The following GNA12 variants were observed in gnomAD, a reference collection of about 807,000 sequenced individuals.
GNA12 encodes G protein subunit alpha 12, also known as guanine nucleotide-binding protein subunit alpha-12.
A neutral mutation model predicts 26.0 loss-of-function variants in GNA12; 9 were observed. The ratio of observed to expected loss-of-function variants is 0.35; its 90% confidence interval spans 0.21 to 0.60. The LOEUF is 0.60. Among genes scored for constraint, GNA12 ranks in the 20% least tolerant of loss-of-function variants. The pLI is 0.78. For synonymous variants in GNA12, 264 were observed against 219.6 expected (o/e 1.20, Z -1.79); for missense variants, 405 against 525.8 (o/e 0.77, Z 2.25).
At chr7:2,814,289 G>A (rs765314986) in intron 1 of GNA12, 1 of 1,229,374 alleles carries the variant, frequency 8.1e-7, no homozygotes, top group Non-Finnish European at 1.2e-6. Context: ...TGTGGCCGAG[G>A]AGTTGAACGG....
intron 2 of GNA12, among the ~76,000 whole-genome samples, chr7:2,776,305 A>G (rs1461997400): frequency 6.6e-6 from 1 of 152,244 alleles, no homozygotes; most frequent in Non-Finnish European, 1.5e-5. Flanking sequence ...GGAAGAGGCC[A>G]GTGCTCAGAG....
intron 2 of GNA12, among the ~76,000 whole-genome samples, chr7:2,756,055 A>G (rs1360116233): frequency 6.6e-6 from 1 of 152,228 alleles, no homozygotes; most frequent in Non-Finnish European, 1.5e-5. Flanking sequence ...ACCAACTTTC[A>G]ACTTGCTAGA....
At chr7:2,799,750 C>A (rs573630636) in intron 1 of GNA12, among the ~76,000 whole-genome samples, 8 of 152,142 alleles carry the variant, frequency 5.3e-5, no homozygotes, top group Non-Finnish European at 1.2e-4. Flanking sequence ...AGCAAATACA[C>A]AAGTGAAAAA....
chr7:2,814,825 T>G, intron 1 of GNA12: 1 of 1,560,768 alleles, frequency 6.4e-7, no homozygotes, highest in South Asian at 1.2e-5. Flanking sequence ...ACCCTTCCTG[T>G]GCTCCCGACA....
intron 2 of GNA12, among the ~76,000 whole-genome samples, chr7:2,766,387 C>CT (rs71026553): frequency 0.011 from 1,476 of 132,058 alleles, 27 homozygotes; most frequent in Admixed American, 0.044. Flanking sequence ...TTGCTTCCGC[C>CT]TTTTTTTTTT....
At chr7:2,796,663 C>G (rs900674461) in intron 1 of GNA12, among the ~76,000 whole-genome samples, 2 of 152,204 alleles carry the variant, frequency 1.3e-5, no homozygotes, top group African/African-American at 4.8e-5. Flanking sequence ...TTTAACGTCA[C>G]CATCGTTTGT....
At chr7:2,735,439 G>A (rs1031673163) in intron 2 of GNA12, among the ~76,000 whole-genome samples, 3 of 149,550 alleles carry the variant, frequency 2.0e-5, no homozygotes, top group South Asian at 2.1e-4. Context: ...TATCACCACA[G>A]GACACAAAGC....
chr7:2,759,418 T>C (rs1791455669), intron 2 of GNA12, among the ~76,000 whole-genome samples: 1 of 152,214 alleles, frequency 6.6e-6, no homozygotes. Context: ...GTGTTATTAC[T>C]GTTCTGTCCA....
intron 1 of GNA12, among the ~76,000 whole-genome samples, chr7:2,818,581 G>GGTTT (rs1793268409): frequency 1.3e-5 from 2 of 152,170 alleles, no homozygotes; most frequent in South Asian, 4.1e-4. Flanking sequence ...TGGGCAACAT[G>GGTTT]GTGAAACCCC....
chr7:2,776,610 C>A (rs549584230), intron 2 of GNA12, among the ~76,000 whole-genome samples: 27 of 152,256 alleles, frequency 1.8e-4, no homozygotes, highest in African/African-American at 6.3e-4. Flanking sequence ...GGTGTGACCA[C>A]ACAATTCTTG....
chr7:2,730,868 G>T lies in GNA12; in HGVS notation c.*313C>A. The T allele has an allele frequency of 3.1e-6, 1 of 325,486 alleles. No homozygotes were observed. Among genetic ancestry groups the T allele is most frequent in the Non-Finnish European group, 5.8e-6 (1 of 171,446 alleles). The allele number at this position is 325,486 out of a possible 1,614,324, so 20.2% of individuals were successfully genotyped here. ...ACACAACACGGTCCTCAATTAAACTGCGTCAGAAAAAGAGGAACGTTTCTG... is the reference window on the plus strand; with the variant it reads ...ACACAACACGGTCCTCAATTAAACTTCGTCAGAAAAAGAGGAACGTTTCTG... On this transcript the variant is annotated 3_prime_UTR_variant, in exon 4 of 4. Transcript: ENST00000275364.
intron 1 of GNA12, among the ~76,000 whole-genome samples, chr7:2,817,124 G>A (rs1793235235): frequency 1.3e-5 from 2 of 152,088 alleles, no homozygotes; most frequent in South Asian, 4.2e-4. Context: ...ATTTATTTTT[G>A]AGACAGAGTC....
intron 1 of GNA12, among the ~76,000 whole-genome samples, chr7:2,801,748 CT>C (rs1246066102): frequency 2.6e-5 from 4 of 151,898 alleles, no homozygotes; most frequent in Non-Finnish European, 5.9e-5. Flanking sequence ...TACATTTATT[CT>C]AGTCAAAAAC....
intron 1 of GNA12, chr7:2,835,928 C>A: frequency 1.9e-6 from 1 of 533,054 alleles, no homozygotes; most frequent in East Asian, 3.9e-5. Context: ...GCCTTAGAAT[C>A]CAAAGTCGAA....
intron 1 of GNA12, among the ~76,000 whole-genome samples, chr7:2,819,591 C>A (rs1583307394): frequency 6.6e-6 from 1 of 152,028 alleles, no homozygotes; most frequent in East Asian, 1.9e-4. Context: ...GACAAATAAT[C>A]CAAATTAAAA....
chr7:2,828,873 T>C (rs919312277), intron 1 of GNA12, among the ~76,000 whole-genome samples: 1 of 152,074 alleles, frequency 6.6e-6, no homozygotes, highest in African/African-American at 2.4e-5. Flanking sequence ...CTGGGCAACA[T>C]GGCAAAATCT....
At chr7:2,758,796 T>C (rs1244967993) in intron 2 of GNA12, among the ~76,000 whole-genome samples, 2 of 152,204 alleles carry the variant, frequency 1.3e-5, no homozygotes, top group African/African-American at 2.4e-5. Flanking sequence ...TTTACTCATC[T>C]AATAGAACAC....
intron 1 of GNA12, among the ~76,000 whole-genome samples, chr7:2,832,525 A>G (rs1448323110): frequency 6.6e-6 from 1 of 152,136 alleles, no homozygotes; most frequent in Non-Finnish European, 1.5e-5. Flanking sequence ...GAGAATTAGC[A>G]CAGATTCTTC....
intron 2 of GNA12, among the ~76,000 whole-genome samples, chr7:2,761,233 C>A (rs1249064713): frequency 1.3e-5 from 2 of 152,170 alleles, no homozygotes; most frequent in Admixed American, 1.3e-4. Context: ...TCTGCTACCT[C>A]CCGGCCGTGG....
Sources: gnomAD v4.1 joint callset for allele counts (sites outside exome capture counted in the v4.1 genomes callset) on GRCh38, gnomAD v4.1.1 for gene constraint, MANE v1.5 for transcripts, NCBI Gene and HGNC (gene_info 2026-07-23, HGNC 2026-07-21) for gene names.